Variants in FBN1 observed in about 807,000 individuals in gnomAD.
FBN1 encodes the protein fibrillin 1.
Under a neutral mutation model 365.1 loss-of-function variants are expected in FBN1, and 29 were observed. That is an observed-to-expected ratio of 0.08 (90% CI 0.06 to 0.11). The LOEUF is 0.11. Ranked by LOEUF, FBN1 falls within the 10% of genes least tolerant of loss-of-function variation. The pLI is 1.00. For synonymous variants in FBN1, 1,210 were observed against 1,270.5 expected (o/e 0.95, Z 1.01); for missense variants, 2,476 against 3,703.2 (o/e 0.67, Z 8.60).
intron 6 of FBN1, among the ~76,000 whole-genome samples, chr15:48,546,822 A>G (rs11855770): frequency 0.17 from 25,226 of 152,072 alleles, 2,217 homozygotes; most frequent in East Asian, 0.36. Flanking sequence ...TCCTTGGGCC[A>G]AAGAACCAAC....
chr15:48,607,605 A>G (rs986236120), intron 4 of FBN1, among the ~76,000 whole-genome samples: 1 of 151,744 alleles, frequency 6.6e-6, no homozygotes, highest in African/African-American at 2.4e-5. Context: ...TAGGAGGAGA[A>G]GGCCTTCACC....
intron 2 of FBN1, among the ~76,000 whole-genome samples, chr15:48,638,816 G>T (rs1890147530): frequency 6.6e-6 from 1 of 152,144 alleles, no homozygotes; most frequent in African/African-American, 2.4e-5. Flanking sequence ...TCTCACAGGG[G>T]ACATGACAGC....
intron 2 of FBN1, among the ~76,000 whole-genome samples, chr15:48,629,894 C>A (rs1597643456): frequency 6.6e-6 from 1 of 152,322 alleles, no homozygotes; most frequent in Middle Eastern, 3.4e-3. Flanking sequence ...TGAAGAACCA[C>A]CTTTATCTGT....
intron 6 of FBN1, among the ~76,000 whole-genome samples, chr15:48,565,519 G>A (rs2044253532): frequency 6.6e-6 from 1 of 151,286 alleles, no homozygotes; most frequent in Non-Finnish European, 1.5e-5. Flanking sequence ...CTGCCAAGCT[G>A]ACCCCATTAT....
At chr15:48,431,209 T>A (rs1414455186) in intron 55 of FBN1, among the ~76,000 whole-genome samples, 1 of 152,116 alleles carries the variant, frequency 6.6e-6, no homozygotes, top group East Asian at 1.9e-4. Context: ...GTGATTCTCA[T>A]ACCTCAGTCT....
chr15:48,472,986 T>C (rs2043390679), intron 34 of FBN1, among the ~76,000 whole-genome samples: 1 of 152,174 alleles, frequency 6.6e-6, no homozygotes, highest in Non-Finnish European at 1.5e-5. Flanking sequence ...TGACACATCA[T>C]GTTTGTGTCT....
At chr15:48,488,284 G>T (rs1196883751) in intron 26 of FBN1, 43 bp from the exon 27 acceptor site, 13 of 1,613,964 alleles carry the variant, frequency 8.1e-6, no homozygotes, top group African/African-American at 2.7e-5. Flanking sequence ...TCTCAGGACA[G>T]CCTTAATTCT....
chr15:48,551,253 C>T (rs990552187), intron 6 of FBN1, among the ~76,000 whole-genome samples: 4 of 152,112 alleles, frequency 2.6e-5, no homozygotes, highest in Admixed American at 2.6e-4. Flanking sequence ...TCTATTTTTC[C>T]TCTCCTCCCA....
intron 17 of FBN1, among the ~76,000 whole-genome samples, chr15:48,503,579 G>A (rs2043681188): frequency 6.6e-6 from 1 of 152,186 alleles, no homozygotes; most frequent in Non-Finnish European, 1.5e-5. Context: ...TATACGAGAG[G>A]CACAAATGCA....
chr15:48,604,784 C>T (rs1013005894), intron 4 of FBN1, among the ~76,000 whole-genome samples: 6 of 152,166 alleles, frequency 3.9e-5, no homozygotes, highest in Non-Finnish European at 8.8e-5. Context: ...GCTAAAGCAC[C>T]ACCTTCCCTT....
chr15:48,565,097 C>A (rs2044250376), intron 6 of FBN1, among the ~76,000 whole-genome samples: 1 of 152,098 alleles, frequency 6.6e-6, no homozygotes, highest in Non-Finnish European at 1.5e-5. Flanking sequence ...TGCTCCCCAC[C>A]CACCATACCT....
At chr15:48,424,946 AG>A (rs1339003784) in intron 60 of FBN1, among the ~76,000 whole-genome samples, 1 of 152,230 alleles carries the variant, frequency 6.6e-6, no homozygotes, top group Non-Finnish European at 1.5e-5. Context: ...CTAATTCATT[AG>A]GCACAATGTC....
At chr15:48,589,366 C>G (rs1261839875) in intron 6 of FBN1, among the ~76,000 whole-genome samples, 1 of 152,168 alleles carries the variant, frequency 6.6e-6, no homozygotes, top group African/African-American at 2.4e-5. Context: ...CCCATCCCCA[C>G]TGCTTGTTCA....
intron 9 of FBN1, among the ~76,000 whole-genome samples, chr15:48,521,266 A>G (rs1024016218): frequency 6.6e-6 from 1 of 152,246 alleles, no homozygotes; most frequent in Admixed American, 6.5e-5. Flanking sequence ...CTACATTTCT[A>G]AAAGATCTTT....
At chr15:48,454,228 C>T (rs2043222709) in intron 44 of FBN1, among the ~76,000 whole-genome samples, 1 of 152,152 alleles carries the variant, frequency 6.6e-6, no homozygotes, top group African/African-American at 2.4e-5. Context: ...GATGCAGGTG[C>T]TCCTGGTCTG....
chr15:48,563,056 G>C (rs2044236100), intron 6 of FBN1, among the ~76,000 whole-genome samples: 1 of 152,112 alleles, frequency 6.6e-6, no homozygotes, highest in Non-Finnish European at 1.5e-5. Context: ...GAGAGACAGT[G>C]AATGAATGAA....
At chr15:48,531,574 T>A (rs1416141052) in intron 8 of FBN1, among the ~76,000 whole-genome samples, 1 of 152,204 alleles carries the variant, frequency 6.6e-6, no homozygotes, top group Non-Finnish European at 1.5e-5. Flanking sequence ...ATACTCATCA[T>A]CTTTCTAGGG....
At chr15:48,538,504 T>C (rs73394233) in intron 6 of FBN1, among the ~76,000 whole-genome samples, 3,490 of 152,228 alleles carry the variant, frequency 0.023, 118 homozygotes, top group African/African-American at 0.076. Flanking sequence ...AAGGACCATC[T>C]TAAAGCAAAA....
At chr15:48,606,149 G>A (rs545901001) in intron 4 of FBN1, among the ~76,000 whole-genome samples, 14 of 152,188 alleles carry the variant, frequency 9.2e-5, no homozygotes, top group African/African-American at 3.1e-4. Context: ...TACATACGGC[G>A]ACTCCAAAAA....
Sources: allele counts gnomAD v4.1 joint callset (sites outside exome capture counted in the v4.1 genomes callset), GRCh38; gene constraint gnomAD v4.1.1; transcripts MANE v1.5; gene names NCBI Gene and HGNC (gene_info 2026-07-23, HGNC 2026-07-21).